AGPAT1: variants seen among roughly 807,000 people sequenced by gnomAD.
The protein encoded by AGPAT1 is 1-acyl-sn-glycerol-3-phosphate acyltransferase alpha.
Under a neutral mutation model 31.2 loss-of-function variants are expected in AGPAT1, and 6 were observed. The observed-to-expected ratio is 0.19, with a 90% CI of 0.11 to 0.38. The LOEUF is 0.38. Among genes scored for constraint, AGPAT1 ranks in the 10% least tolerant of loss-of-function variants. AGPAT1 has a pLI of 1.00. For missense variants in AGPAT1, 187 were observed against 377.8 expected (o/e 0.49, Z 4.19); for synonymous variants, 139 against 154.0 (o/e 0.90, Z 0.72).
At position 32,169,124 on chromosome 6, in the gene AGPAT1, C is replaced by T; in HGVS notation, c.*152G>A. The T allele has an allele frequency of 1.2e-6, 1 of 841,256 alleles. No individual in the cohort carries two copies. Among genetic ancestry groups the T allele is most frequent in the Non-Finnish European group, 1.8e-6 (1 of 544,228 alleles). The allele number at this position is 841,256 out of a possible 1,614,324, so 52.1% of individuals were successfully genotyped here. Reference sequence around the variant, plus strand: ...GGGGGCAGGAGTGGCGCTGTATCCACATTCACTTCAGAAGTTGAAGATTCC... The same window carrying T: ...GGGGGCAGGAGTGGCGCTGTATCCATATTCACTTCAGAAGTTGAAGATTCC... On this transcript the variant is annotated 3_prime_UTR_variant, in exon 7 of 7. Coordinates refer to ENST00000375107, the MANE Select transcript of AGPAT1 (RefSeq NM_006411.4). The surrounding 1 kb of genome is among the most constrained non-coding windows in gnomAD (Gnocchi z 5.9).
In AGPAT1 at chr6:32,172,707, T is replaced by C. The variant is rs1371013789; in HGVS notation, c.-9-1202A>G. Among the ~76,000 whole-genome samples the C allele has an allele frequency of 2.0e-5, 3 of 152,238 alleles. No homozygotes were observed. The highest frequency in any genetic ancestry group is 2.1e-4 in the South Asian group (1 of 4,816). On this transcript the variant is annotated intron_variant, in intron 1 of 6. Coordinates refer to ENST00000375107, the MANE Select transcript of AGPAT1 (RefSeq NM_006411.4). The surrounding 1 kb of genome is among the most constrained non-coding windows in gnomAD (Gnocchi z 4.3). ...CGAACACAGCACACAGCATATATGGTGATTGTGACAGAACACTCACAGCCA... is the reference window on the plus strand; with the variant it reads ...CGAACACAGCACACAGCATATATGGCGATTGTGACAGAACACTCACAGCCA...
rs750751399 is a variant in AGPAT1, at chr6:32,170,048, G to A, written c.607-10C>T. On this transcript the variant is annotated splice_polypyrimidine_tract_variant and intron_variant, in intron 5 of 6. Transcript: ENST00000375107. This position sits in a 1 kb window ranked among gnomAD's most constrained non-coding sequence, Gnocchi z 7.7. ...TGGGGACAATGGGAACCTGGGGAAG[G>A]GTTAAAGCAGGTCAGTCCACAGCTC... 6.6e-5 allele frequency: 107 copies of A among 1,613,120 alleles called. No homozygotes were observed. The highest frequency in any genetic ancestry group is 1.6e-4 in the Middle Eastern group (1 of 6,082).
chr6:32,174,726 TTCTTC>T lies in AGPAT1; in HGVS notation c.-10+1083_-10+1087del, dbSNP rs1232718950. On this transcript the variant is annotated intron_variant, in intron 1 of 6. Coordinates refer to ENST00000375107, the MANE Select transcript of AGPAT1 (RefSeq NM_006411.4). This position sits in a 1 kb window ranked among gnomAD's most constrained non-coding sequence, Gnocchi z 4.5. Reference sequence around the variant, plus strand: ...TTGCAGACCTGGAGACCCAGTTACCTTCTTCTCTTAACACTTGATATTAAGTGACC... The same window carrying T: ...TTGCAGACCTGGAGACCCAGTTACCTTCTTAACACTTGATATTAAGTGACC... 1.3e-5 allele frequency among the ~76,000 whole-genome samples: 2 copies of T among 152,196 alleles called. No individual in the cohort carries two copies. Among genetic ancestry groups the T allele is most frequent in the African/African-American group, 4.8e-5 (2 of 41,446 alleles).
Position 32,168,962 on chromosome 6 carries a change from T to G in AGPAT1, c.*314A>C. The G allele has an allele frequency of 4.6e-6, 2 of 431,128 alleles. No individual in the cohort carries two copies. The highest frequency in any genetic ancestry group is 4.2e-6 in the Non-Finnish European group (1 of 238,112). 26.7% of individuals were successfully genotyped at this position (431,128 alleles called of 1,614,324 possible). A position where few individuals can be genotyped will look rare whatever the true frequency, so the allele number is the denominator to read the frequency against. ...ACATAGGAAGAGACTCCACTGGGGA[T>G]GGAATGTTCCCCTCCCTTGTGTAGG... On this transcript the variant is annotated 3_prime_UTR_variant, in exon 7 of 7. Coordinates refer to ENST00000375107, the MANE Select transcript of AGPAT1 (RefSeq NM_006411.4). The surrounding 1 kb of genome is among the most constrained non-coding windows in gnomAD (Gnocchi z 4.5).
chr6:32,170,803 A>T lies in AGPAT1; in HGVS notation c.334+134T>A. ...GAGGGCAGTTCTACCCAGGGAATGA[A>T]GGCCTGAGTGGGAGGCAAGGGGGCA... On this transcript the variant is annotated intron_variant, in intron 3 of 6. Transcript: ENST00000375107. This position sits in a 1 kb window ranked among gnomAD's most constrained non-coding sequence, Gnocchi z 7.7. The T allele has an allele frequency of 7.7e-7, 1 of 1,300,954 alleles. No individual in the cohort carries two copies. The highest frequency in any genetic ancestry group is 1.1e-6 in the Non-Finnish European group (1 of 925,390). 80.6% of individuals were successfully genotyped at this position (1,300,954 alleles called of 1,614,324 possible). A position where few individuals can be genotyped will look rare whatever the true frequency, so the allele number is the denominator to read the frequency against.
At chr6:32,178,074 T>A (rs949073025), upstream of AGPAT1, 2 of 153,186 alleles carry the variant, frequency 1.3e-5, no homozygotes, top group African/African-American at 4.8e-5. Context: ...CCAATAGCAA[T>A]CCGGACATTC....
At position 32,172,641 on chromosome 6, in the gene AGPAT1, C is replaced by T. The variant is rs1328645954; in HGVS notation, c.-9-1136G>A. The stretch of plus-strand genomic sequence containing the variant: ...TCTAAGCCGCCTGTGTTCCTAACCA[C>T]TCCATTACGCTGACACTGGTATGTA... On this transcript the variant is annotated intron_variant, in intron 1 of 6. Coordinates refer to ENST00000375107, the MANE Select transcript of AGPAT1 (RefSeq NM_006411.4). The surrounding 1 kb of genome is among the most constrained non-coding windows in gnomAD (Gnocchi z 4.3). Among the ~76,000 whole-genome samples the T allele has an allele frequency of 3.3e-5, 5 of 152,202 alleles. No individual in the cohort carries two copies. Among genetic ancestry groups the T allele is most frequent in the Admixed American group, 3.3e-4 (5 of 15,282 alleles).
upstream of AGPAT1, chr6:32,176,376 T>C (rs1315203133): frequency 5.3e-6 from 3 of 565,554 alleles, no homozygotes; most frequent in Non-Finnish European, 6.7e-6. Context: ...ATCAGCTCTC[T>C]TTTAACTGCC....
rs1441564106 is a variant in AGPAT1, at chr6:32,174,016, A to G, written c.-10+1798T>C. Among the ~76,000 whole-genome samples the G allele has an allele frequency of 6.6e-6, 1 of 152,142 alleles. No homozygotes were observed. The highest frequency in any genetic ancestry group is 1.5e-5 in the Non-Finnish European group (1 of 68,026). On this transcript the variant is annotated intron_variant, in intron 1 of 6. Transcript: ENST00000375107. The surrounding 1 kb of genome is among the most constrained non-coding windows in gnomAD (Gnocchi z 4.5). The stretch of plus-strand genomic sequence containing the variant: ...TGTGAGCCATCGTGGCTGGCTAGCA[A>G]TCTGTATTTCAACAAGCCCTCTGGT...
chr6:32,171,335 A>G lies in AGPAT1; in HGVS notation c.162T>C (p.Pro54=). 6.2e-7 allele frequency: 1 copy of G among 1,613,140 alleles called. No individual in the cohort carries two copies. Among genetic ancestry groups the G allele is most frequent in the Non-Finnish European group, 8.5e-7 (1 of 1,180,044 alleles). The stretch of plus-strand genomic sequence containing the variant: ...CGTTGCGTCCTCGCACGGCACACAC[A>G]GGGATGGCGAGCACAGCCAGGAAGA... ...WILFLAVLAI[P]VCAVRGRNVE... is the part of the protein sequence containing the mutation. Residue 54 remains proline, a synonymous_variant, in exon 2 of 7, where the codon CCT becomes CCC. Transcript: ENST00000375107. The surrounding 1 kb of genome is among the most constrained non-coding windows in gnomAD (Gnocchi z 6.9).
upstream of AGPAT1, chr6:32,176,284 CT>C (rs1249276932): frequency 4.8e-5 from 25 of 523,538 alleles, no homozygotes; most frequent in East Asian, 3.0e-4. Context: ...CCAGCTGCAT[CT>C]TTTTTTTCTC....
chr6:32,172,500 C>A lies in AGPAT1; in HGVS notation c.-9-995G>T, dbSNP rs3130348. Among the ~76,000 whole-genome samples, 27,483 of 151,976 alleles carry A rather than the reference C, an allele frequency of 0.18. 2,633 individuals carry two copies. Among genetic ancestry groups the A allele is most frequent in the Non-Finnish European group, 0.21 (14,381 of 67,956 alleles). On this transcript the variant is annotated intron_variant, in intron 1 of 6. Transcript: ENST00000375107. This position sits in a 1 kb window ranked among gnomAD's most constrained non-coding sequence, Gnocchi z 4.3. ...ATTAAGTTAAACTCTTAAAATGATG[C>A]ATATGATAGTCTAGAAAGTACTATT... is the stretch of plus-strand genomic sequence containing the variant.
chr6:32,170,909 G>A lies in AGPAT1; in HGVS notation c.334+28C>T. 1 of 1,595,992 alleles carries A rather than the reference G, an allele frequency of 6.3e-7. No homozygotes were observed. The highest frequency in any genetic ancestry group is 2.2e-5 in the East Asian group (1 of 44,460). On this transcript the variant is annotated intron_variant, in intron 3 of 6. Coordinates refer to ENST00000375107, the MANE Select transcript of AGPAT1 (RefSeq NM_006411.4). The surrounding 1 kb of genome is among the most constrained non-coding windows in gnomAD (Gnocchi z 7.7). ...TTTCAGGAGGGGAGGCATGGCTGGGGGAGGTGTGCCCTGTGGTGGGGTCTC... is the reference window on the plus strand; with the variant it reads ...TTTCAGGAGGGGAGGCATGGCTGGGAGAGGTGTGCCCTGTGGTGGGGTCTC...
Position 32,170,824 on chromosome 6 carries a change from G to A in AGPAT1, c.334+113C>T, listed in dbSNP as rs1785027920. On this transcript the variant is annotated intron_variant, in intron 3 of 6. Transcript: ENST00000375107. The surrounding 1 kb of genome is among the most constrained non-coding windows in gnomAD (Gnocchi z 7.7). Reference sequence around the variant, plus strand: ...ATGAAGGCCTGAGTGGGAGGCAAGGGGGCAATGTCCCAGAGGAAGGGGAAT... The same window carrying A: ...ATGAAGGCCTGAGTGGGAGGCAAGGAGGCAATGTCCCAGAGGAAGGGGAAT... 2 of 1,399,582 alleles carry A rather than the reference G, an allele frequency of 1.4e-6. No individual in the cohort carries two copies. Among genetic ancestry groups the A allele is most frequent in the Admixed American group, 3.6e-5 (2 of 55,560 alleles). 86.7% of individuals were successfully genotyped at this position (1,399,582 alleles called of 1,614,324 possible). A position where few individuals can be genotyped will look rare whatever the true frequency, so the allele number is the denominator to read the frequency against.
In AGPAT1 at chr6:32,169,734, C is replaced by T. The variant is rs964609679; in HGVS notation, c.679+232G>A. Among the ~76,000 whole-genome samples the T allele has an allele frequency of 6.6e-6, 1 of 152,148 alleles. No individual in the cohort carries two copies. Among genetic ancestry groups the T allele is most frequent in the African/African-American group, 2.4e-5 (1 of 41,412 alleles). ...TTCATTACAGCTTTGTGCACACAGG[C>T]CTTATCTTTCCTGTTAAGATTAGTA... is the stretch of plus-strand genomic sequence containing the variant. On this transcript the variant is annotated intron_variant, in intron 6 of 6. Transcript: ENST00000375107. This position sits in a 1 kb window ranked among gnomAD's most constrained non-coding sequence, Gnocchi z 5.9.
At chr6:32,176,438 C>A, upstream of AGPAT1, 1 of 945,716 alleles carries the variant, frequency 1.1e-6, no homozygotes, top group Non-Finnish European at 1.3e-6. Flanking sequence ...CTGCTTATTC[C>A]CCCCAACTAT....
rs1272118203 is a variant in AGPAT1, at chr6:32,175,964, G to C, written c.-160C>G. 1.0e-6 allele frequency: 1 copy of C among 985,514 alleles called. No individual in the cohort carries two copies. Among genetic ancestry groups the C allele is most frequent in the Non-Finnish European group, 1.2e-6 (1 of 830,108 alleles). The allele number at this position is 985,514 out of a possible 1,614,324, so 61.0% of individuals were successfully genotyped here. ...GGGTGTCCTAGCCCCGGCCGATGGA[G>C]GGGAGGTGGGAGTGGGAGGTTGGGC... On this transcript the variant is annotated 5_prime_UTR_variant, in exon 1 of 7. Coordinates refer to ENST00000375107, the MANE Select transcript of AGPAT1 (RefSeq NM_006411.4). This position sits in a 1 kb window ranked among gnomAD's most constrained non-coding sequence, Gnocchi z 4.5.
At chr6:32,176,173 C>T, upstream of AGPAT1, 1 of 983,906 alleles carries the variant, frequency 1.0e-6, no homozygotes, top group Non-Finnish European at 1.2e-6. Flanking sequence ...TTTTGCCAAT[C>T]GTCTCCCAGA....
chr6:32,175,084 A>G lies in AGPAT1; in HGVS notation c.-10+730T>C, dbSNP rs934711783. On this transcript the variant is annotated intron_variant, in intron 1 of 6. Coordinates refer to ENST00000375107, the MANE Select transcript of AGPAT1 (RefSeq NM_006411.4). The surrounding 1 kb of genome is among the most constrained non-coding windows in gnomAD (Gnocchi z 4.5). ...AGGTATATAACCTTCACATGCTGAAATAAACATGCCAAAACATAAAATGTG... is the reference window on the plus strand; with the variant it reads ...AGGTATATAACCTTCACATGCTGAAGTAAACATGCCAAAACATAAAATGTG... Among the ~76,000 whole-genome samples, 8 of 152,258 alleles carry G rather than the reference A, an allele frequency of 5.3e-5. No homozygotes were observed. Among genetic ancestry groups the G allele is most frequent in the African/African-American group, 1.9e-4 (8 of 41,476 alleles).
Sources: gnomAD v4.1 joint callset for allele counts (sites outside exome capture counted in the v4.1 genomes callset) on GRCh38, gnomAD v4.1.1 for gene constraint, Gnocchi (gnomAD v3.1) non-coding constraint, MANE v1.5 for transcripts, NCBI Gene and HGNC (gene_info 2026-07-23, HGNC 2026-07-21) for gene names.